DENND1B: variants seen among roughly 807,000 people sequenced by gnomAD.
DENND1B encodes DENN domain containing 1B, also known as DENN domain-containing protein 1B.
Under a neutral mutation model 90.1 loss-of-function variants are expected in DENND1B, and 59 were observed. The ratio of observed to expected loss-of-function variants is 0.65; its 90% CI spans 0.53 to 0.81. The LOEUF is 0.81. DENND1B is among the 40% of genes least tolerant of loss of function. DENND1B has a pLI of 0.00. For missense variants in DENND1B, 862 were observed against 912.6 expected, an observed-to-expected ratio of 0.94 and a Z score of 0.71; for synonymous variants, 337 against 324.6, an observed-to-expected ratio of 1.04 and a Z score of -0.41.
intron 2 of DENND1B, among the ~76,000 whole-genome samples, chr1:197,724,970 GA>G (rs1348042989): frequency 6.6e-6 from 1 of 151,864 alleles, no homozygotes; most frequent in Non-Finnish European, 1.5e-5. Context: ...ATGGAGACCA[GA>G]ATAAAATAAA....
intron 7 of DENND1B, among the ~76,000 whole-genome samples, chr1:197,647,477 A>T (rs867572385): frequency 6.6e-6 from 1 of 152,184 alleles, no homozygotes; most frequent in African/African-American, 2.4e-5. Flanking sequence ...TTTTAATCTT[A>T]CATCATAAAA....
At position 197,508,183 on chromosome 1, in the gene DENND1B, AAAAC is replaced by A. The variant is rs948608348; in HGVS notation, c.*2273_*2276del. The A allele has an allele frequency of 4.0e-5, 6 of 151,644 alleles. No homozygotes were observed. The highest frequency in any genetic ancestry group is 7.3e-5 in the African/African-American group (3 of 41,370). 9.4% of individuals were successfully genotyped at this position (151,644 alleles called of 1,614,324 possible). On this transcript the variant is annotated 3_prime_UTR_variant, in exon 23 of 23. Transcript: ENST00000620048. ...TTGTTTTTCAGACTGAGTTCTGAAA[AAAAC>A]AAACAAAAAACCATACCTCATTTCA...
intron 3 of DENND1B, among the ~76,000 whole-genome samples, chr1:197,706,449 A>G (rs938866188): frequency 6.6e-6 from 1 of 152,176 alleles, no homozygotes; most frequent in African/African-American, 2.4e-5. Flanking sequence ...TCAAACTAAA[A>G]AGCTTCGGCA....
At chr1:197,779,681 A>G (rs1452038675), upstream of DENND1B, among the ~76,000 whole-genome samples, 1 of 151,642 alleles carries the variant, frequency 6.6e-6, no homozygotes, top group Non-Finnish European at 1.5e-5. Flanking sequence ...TTTTTAATTT[A>G]TATTATTTTT....
At chr1:197,531,000 C>T (rs950145658) in intron 20 of DENND1B, among the ~76,000 whole-genome samples, 9 of 152,130 alleles carry the variant, frequency 5.9e-5, no homozygotes, top group Non-Finnish European at 4.4e-5. Context: ...GGTTAGGTAC[C>T]TAAGTTCTAG....
In DENND1B at chr1:197,508,321, C is replaced by T. The variant is rs1032168747; in HGVS notation, c.*2139G>A. The T allele has an allele frequency of 3.3e-5, 5 of 151,676 alleles. No homozygotes were observed. The highest frequency in any genetic ancestry group is 1.2e-4 in the African/African-American group (5 of 41,362). The allele number at this position is 151,676 out of a possible 1,614,324, so 9.4% of individuals were successfully genotyped here. A position where few individuals can be genotyped will look rare whatever the true frequency, so the allele number is the denominator to read the frequency against. On this transcript the variant is annotated 3_prime_UTR_variant, in exon 23 of 23. Transcript: ENST00000620048. ...CTTTTTTCCTTCTGATTTAAAACAG[C>T]TCTTTTGCTATATGGACTTCTTCCA...
In DENND1B at chr1:197,510,906, C is replaced by G. The variant is rs781549383; in HGVS notation, c.1882G>C (p.Glu628Gln). Reference protein sequence around the residue: ...FLCGGSGDQAEWNLGQDDSAL... With the variant: ...FLCGGSGDQAQWNLGQDDSAL... ...CTATCGTCTTGCCCAAGATTCCACT[C>G]TGCTTGGTCACCAGAACCACCACAG... The change falls in exon 23 of 23, where the codon GAG becomes CAG. Residue 628 changes from glutamate (E) to glutamine (Q), a missense_variant. Physicochemically the swap from Glu to Gln is conservative, Grantham distance 29. Transcript: ENST00000620048. 1.3e-6 allele frequency: 2 copies of G among 1,595,490 alleles called. No homozygotes were observed. The highest frequency in any genetic ancestry group is 2.7e-5 in the African/African-American group (2 of 74,188).
chr1:197,555,915 C>G (rs1340995226), intron 15 of DENND1B, among the ~76,000 whole-genome samples: 1 of 151,980 alleles, frequency 6.6e-6, no homozygotes. Flanking sequence ...GTATGTTTAT[C>G]CCGGCACTAT....
intron 2 of DENND1B, among the ~76,000 whole-genome samples, chr1:197,719,826 A>G (rs2488386): frequency 0.99 from 150,394 of 152,308 alleles, 74,266 homozygotes; most frequent in Middle Eastern, 1. Flanking sequence ...AATATTATAT[A>G]TTATACCAAA....
intron 15 of DENND1B, among the ~76,000 whole-genome samples, chr1:197,555,755 G>C (rs1476417888): frequency 1.3e-5 from 2 of 152,124 alleles, no homozygotes; most frequent in African/African-American, 4.8e-5. Flanking sequence ...CACTGTCGGT[G>C]AGAGTGCAAA....
intron 18 of DENND1B, among the ~76,000 whole-genome samples, chr1:197,542,945 T>TTTA (rs1670451460): frequency 1.8e-5 from 2 of 110,490 alleles, no homozygotes; most frequent in Non-Finnish European, 4.0e-5. Flanking sequence ...TTATTTATTT[T>TTTA]TTTCCCTGAG....
intron 2 of DENND1B, among the ~76,000 whole-genome samples, chr1:197,771,094 T>C (rs1019883892): frequency 1.3e-5 from 2 of 151,658 alleles, no homozygotes; most frequent in African/African-American, 4.8e-5. Context: ...GTATTTTTAG[T>C]AGAGATGGGG....
intron 6 of DENND1B, among the ~76,000 whole-genome samples, chr1:197,656,027 T>C (rs552340264): frequency 2.6e-5 from 4 of 152,240 alleles, no homozygotes; most frequent in African/African-American, 7.2e-5. Context: ...AGTTATTATA[T>C]GTCATGCTGC....
In DENND1B at chr1:197,583,202, C is replaced by G; in HGVS notation, c.1099G>C (p.Val367Leu). Residue 367 changes from valine (V) to leucine (L), a missense_variant, in exon 15 of 23, where the codon GTG becomes CTG. By Grantham distance (32) the Val-to-Leu change is conservative. Coordinates refer to ENST00000620048, the MANE Select transcript of DENND1B (RefSeq NM_001195215.2). ...GCAGTTTCCAGGAACTGTTTCATCA[C>G]GCTTGAGCGGTGCTTTACAAAACTC... ...EESFVKHRSS[V>L]MKQFLETAIN... is the part of the protein sequence containing the mutation. The G allele has an allele frequency of 7.4e-6, 12 of 1,613,846 alleles. No individual in the cohort carries two copies. Among genetic ancestry groups the G allele is most frequent in the Non-Finnish European group, 1.0e-5 (12 of 1,179,836 alleles).
chr1:197,776,354 C>T (rs1558510971), upstream of DENND1B, among the ~76,000 whole-genome samples: 1 of 152,206 alleles, frequency 6.6e-6, no homozygotes. Context: ...ACTTCTACCT[C>T]ATATTGCCTG....
chr1:197,778,862 C>T (rs1036257435), upstream of DENND1B, among the ~76,000 whole-genome samples: 1 of 151,982 alleles, frequency 6.6e-6, no homozygotes, highest in Non-Finnish European at 1.5e-5. Flanking sequence ...GTTATTTACT[C>T]TGTTTCTATT....
chr1:197,624,334 C>A (rs745549255), intron 10 of DENND1B, among the ~76,000 whole-genome samples: 20 of 151,648 alleles, frequency 1.3e-4, no homozygotes, highest in Non-Finnish European at 2.4e-4. Context: ...ACAGTCTTAT[C>A]AATAAATGGT....
At chr1:197,545,404 C>CA (rs35127449) in intron 18 of DENND1B, among the ~76,000 whole-genome samples, 6,654 of 135,776 alleles carry the variant, frequency 0.049, 193 homozygotes, top group Middle Eastern at 0.092. Context: ...GACTTCGTCT[C>CA]AAAAAAAAAA....
At chr1:197,643,910 T>C (rs1640040611) in intron 9 of DENND1B, among the ~76,000 whole-genome samples, 1 of 152,202 alleles carries the variant, frequency 6.6e-6, no homozygotes, top group African/African-American at 2.4e-5. Flanking sequence ...TTCAACAAGA[T>C]ATAACAAACA....
Sources: allele counts gnomAD v4.1 joint callset (sites outside exome capture counted in the v4.1 genomes callset), GRCh38; gene constraint gnomAD v4.1.1; transcripts MANE v1.5; gene names NCBI Gene and HGNC (gene_info 2026-07-23, HGNC 2026-07-21).